Variants in EYS observed in about 807,000 individuals in gnomAD.
EYS encodes the protein protein eyes shut homolog.
A neutral mutation model predicts 282.1 loss-of-function variants in EYS; 250 were observed. The ratio of observed to expected loss-of-function variants is 0.89; its 90% confidence interval spans 0.80 to 0.98. EYS has a LOEUF of 0.98. Ranked by LOEUF, EYS falls within the 50% of genes least tolerant of loss-of-function variation. The pLI, the probability that EYS is intolerant of heterozygous loss-of-function variation, is 0.00. For synonymous variants in EYS, 1,355 were observed against 1,282.9 expected (o/e 1.06, Z -1.20); for missense variants, 4,016 against 3,709.0 (o/e 1.08, Z -2.15).
Position 65,495,456 on chromosome 6 carries a change from A to C in EYS, c.-46T>G. On this transcript the variant is annotated 5_prime_UTR_variant, in exon 4 of 43. Transcript: ENST00000503581. ...CAGTTTATCATAAAGAATTGCTGCA[A>C]AATGGTGTTTTAAGTATTACCGGAA... 1.3e-6 allele frequency: 2 copies of C among 1,594,104 alleles called. No individual in the cohort carries two copies. The highest frequency in any genetic ancestry group is 1.1e-5 in the South Asian group (1 of 90,694).
At position 64,889,151 on chromosome 6, in the gene EYS, CTACT is replaced by C. The variant is rs1423798864; in HGVS notation, c.2847-2313_2847-2310del. Among the ~76,000 whole-genome samples, 6 of 151,788 alleles carry C rather than the reference CTACT, an allele frequency of 4.0e-5. 1 individual carries two copies. Among genetic ancestry groups the C allele is most frequent in the African/African-American group, 1.5e-4 (6 of 41,378 alleles). ...TCAATTTTTTTTAAACAGTAGTTTA[CTACT>C]TAATTTATAGAATTTTCTCTCTCTC... On this transcript the variant is annotated intron_variant, in intron 18 of 42. Transcript: ENST00000503581.
At chr6:64,618,377 A>T (rs1190524220) in intron 23 of EYS, among the ~76,000 whole-genome samples, 1 of 152,076 alleles carries the variant, frequency 6.6e-6, no homozygotes, top group Non-Finnish European at 1.5e-5. Context: ...ACCTAAGTAT[A>T]CCCTTCCACA....
At chr6:64,516,813 T>C (rs1317257041) in intron 26 of EYS, among the ~76,000 whole-genome samples, 1 of 151,838 alleles carries the variant, frequency 6.6e-6, no homozygotes, top group Non-Finnish European at 1.5e-5. Context: ...ATATTTTACT[T>C]TGATATCAGA....
intron 33 of EYS, among the ~76,000 whole-genome samples, chr6:64,002,768 G>T (rs1002443189): frequency 3.3e-5 from 5 of 152,142 alleles, no homozygotes; most frequent in African/African-American, 7.2e-5. Flanking sequence ...GAACTCCTGG[G>T]CTTAAGTGAT....
At chr6:65,660,801 C>T (rs1165986740) in intron 1 of EYS, among the ~76,000 whole-genome samples, 1 of 151,712 alleles carries the variant, frequency 6.6e-6, no homozygotes, top group Admixed American at 6.6e-5. Context: ...GCTTTGTAAA[C>T]TTATATTTTG....
chr6:65,444,284 T>A (rs980997998), intron 5 of EYS, among the ~76,000 whole-genome samples: 1 of 152,186 alleles, frequency 6.6e-6, no homozygotes, highest in Middle Eastern at 3.4e-3. Context: ...AATTTTGGCT[T>A]TGTGGATTCT....
chr6:64,474,213 T>C (rs1776200877), intron 26 of EYS, among the ~76,000 whole-genome samples: 1 of 152,162 alleles, frequency 6.6e-6, no homozygotes, highest in African/African-American at 2.4e-5. Context: ...TTTTGTTCAT[T>C]ATCAGACACA....
intron 11 of EYS, among the ~76,000 whole-genome samples, chr6:65,306,084 A>G (rs1414913116): frequency 6.6e-6 from 1 of 152,198 alleles, no homozygotes; most frequent in Non-Finnish European, 1.5e-5. Context: ...GATGGAAATA[A>G]TAGTCTTGAA....
At chr6:64,865,446 G>GA (rs1269194163) in intron 19 of EYS, among the ~76,000 whole-genome samples, 2 of 152,146 alleles carry the variant, frequency 1.3e-5, no homozygotes, top group East Asian at 1.9e-4. Context: ...GCATAGAGGA[G>GA]AAAAAACGAA....
intron 5 of EYS, among the ~76,000 whole-genome samples, chr6:65,438,937 T>C (rs1188859207): frequency 6.6e-6 from 1 of 152,214 alleles, no homozygotes; most frequent in Non-Finnish European, 1.5e-5. Flanking sequence ...TCCATGCCTA[T>C]GTCCTGAATG....
At chr6:64,671,408 G>A (rs187641343) in intron 22 of EYS, among the ~76,000 whole-genome samples, 19 of 152,238 alleles carry the variant, frequency 1.2e-4, no homozygotes, top group Admixed American at 3.3e-4. Context: ...GCCCTCACCA[G>A]ACCCTGAGTC....
chr6:64,664,388 G>A lies in EYS; in HGVS notation c.3444-38143C>T, dbSNP rs374635928. Reference sequence around the variant, plus strand: ...GGGTGTGAGCTGAGTTACAAGCTCCGTGTTTAAAGGTGGATGCAGTCACCT... The same window carrying A: ...GGGTGTGAGCTGAGTTACAAGCTCCATGTTTAAAGGTGGATGCAGTCACCT... On this transcript the variant is annotated intron_variant, in intron 22 of 42. Transcript: ENST00000503581. Among the ~76,000 whole-genome samples, 7 of 152,120 alleles carry A rather than the reference G, an allele frequency of 4.6e-5. No homozygotes were observed. In the East Asian group the frequency reaches 9.6e-4, roughly 21 times the overall value.
At chr6:64,331,562 AG>A (rs1770647144) in intron 29 of EYS, among the ~76,000 whole-genome samples, 1 of 150,158 alleles carries the variant, frequency 6.7e-6, no homozygotes. Flanking sequence ...GGTTGGTGGA[AG>A]TTCTCAGATG....
intron 22 of EYS, among the ~76,000 whole-genome samples, chr6:64,683,844 C>T (rs1769988920): frequency 6.6e-6 from 1 of 152,180 alleles, no homozygotes; most frequent in Non-Finnish European, 1.5e-5. Flanking sequence ...GAGAAACATC[C>T]TCCTGGACAA....
chr6:64,425,830 T>C (rs1406622331), intron 28 of EYS, among the ~76,000 whole-genome samples: 6 of 151,352 alleles, frequency 4.0e-5, no homozygotes, highest in Non-Finnish European at 8.8e-5. Flanking sequence ...TAGACAATAG[T>C]GTTATTTGCT....
chr6:65,650,997 T>C (rs543389589), intron 1 of EYS, among the ~76,000 whole-genome samples: 17 of 152,306 alleles, frequency 1.1e-4, no homozygotes, highest in Non-Finnish European at 1.9e-4. Context: ...CTGAATTCAC[T>C]TATGTTTTGA....
At chr6:64,480,714 T>G (rs1776412847) in intron 26 of EYS, among the ~76,000 whole-genome samples, 1 of 151,854 alleles carries the variant, frequency 6.6e-6, no homozygotes. Flanking sequence ...CAGAATGTCA[T>G]GTAATTTGTC....
chr6:65,483,720 T>G (rs1292819525), intron 5 of EYS, among the ~76,000 whole-genome samples: 1 of 152,076 alleles, frequency 6.6e-6, no homozygotes, highest in Non-Finnish European at 1.5e-5. Context: ...TGCTGCTGAT[T>G]AAGACATACC....
At chr6:64,414,018 C>A (rs1259213886) in intron 28 of EYS, among the ~76,000 whole-genome samples, 1 of 152,086 alleles carries the variant, frequency 6.6e-6, no homozygotes, top group African/African-American at 2.4e-5. Context: ...ATGACTGAAT[C>A]AGCTGGTTCC....
Sources: allele counts gnomAD v4.1 joint callset (sites outside exome capture counted in the v4.1 genomes callset), GRCh38; gene constraint gnomAD v4.1.1; transcripts MANE v1.5; gene names NCBI Gene and HGNC (gene_info 2026-07-23, HGNC 2026-07-21).